DCUN1D3: variants seen among roughly 807,000 people sequenced by gnomAD.
DCUN1D3 encodes the protein defective in cullin neddylation 1 domain containing 3, also known as DCN1-like protein 3.
In DCUN1D3, 6 loss-of-function variants were observed where a neutral mutation model predicts 24.8. That is an observed-to-expected ratio of 0.24 (90% confidence interval 0.13 to 0.48). The LOEUF (loss-of-function observed/expected upper bound fraction) is 0.48, where lower values mean the gene tolerates loss of function less well. DCUN1D3 is among the 20% of genes least tolerant of loss of function. The probability of loss-of-function intolerance (pLI) is 0.99; values close to 1 mark genes in which losing one functional copy is unlikely to be tolerated. For synonymous variants in DCUN1D3, 120 were observed against 144.9 expected (o/e 0.83, Z 1.24); for missense variants, 258 against 379.4 (o/e 0.68, Z 2.66).
At chr16:20,870,804 C>G (rs1210838280) in intron 1 of DCUN1D3, among the ~76,000 whole-genome samples, 1 of 152,198 alleles carries the variant, frequency 6.6e-6, no homozygotes, top group Non-Finnish European at 1.5e-5. Context: ...GTAGAGCTAG[C>G]TGGGTGCAGC....
chr16:20,863,981 T>C (rs1283553253), intron 1 of DCUN1D3, among the ~76,000 whole-genome samples: 6 of 152,160 alleles, frequency 3.9e-5, no homozygotes, highest in Admixed American at 6.5e-5. Flanking sequence ...TCAAGATGGA[T>C]TAAAGACTTA....
chr16:20,881,237 C>T (rs1490484044), intron 1 of DCUN1D3, among the ~76,000 whole-genome samples: 2 of 152,134 alleles, frequency 1.3e-5, no homozygotes, highest in Non-Finnish European at 2.9e-5. Flanking sequence ...TACTCTGTCT[C>T]TACAAAAAAA....
chr16:20,883,327 A>C (rs1283482835), intron 1 of DCUN1D3, among the ~76,000 whole-genome samples: 2 of 152,154 alleles, frequency 1.3e-5, no homozygotes, highest in Non-Finnish European at 2.9e-5. Flanking sequence ...CCTGGCTAAC[A>C]CGGTGAAACC....
intron 1 of DCUN1D3, among the ~76,000 whole-genome samples, chr16:20,885,870 T>C (rs75663204): frequency 6.6e-6 from 1 of 152,186 alleles, no homozygotes; most frequent in Non-Finnish European, 1.5e-5. Flanking sequence ...GGACAGAGCC[T>C]TGAATCCATG....
At chr16:20,889,961 GA>G (rs1253913318) in intron 1 of DCUN1D3, among the ~76,000 whole-genome samples, 2 of 152,068 alleles carry the variant, frequency 1.3e-5, no homozygotes, top group African/African-American at 4.8e-5. Flanking sequence ...CCTAAGTAAT[GA>G]AACCTCAATC....
intron 1 of DCUN1D3, among the ~76,000 whole-genome samples, chr16:20,893,834 C>T (rs1036531574): frequency 3.9e-5 from 6 of 152,156 alleles, no homozygotes; most frequent in African/African-American, 9.7e-5. Flanking sequence ...ACTTGAGACT[C>T]GTTCAGAATC....
chr16:20,860,430 A>G lies in DCUN1D3; in HGVS notation c.432-61T>C. 6.6e-7 allele frequency: 1 copy of G among 1,517,134 alleles called. No individual in the cohort carries two copies. The highest frequency in any genetic ancestry group is 8.8e-7 in the Non-Finnish European group (1 of 1,132,672). 94.0% of individuals were successfully genotyped at this position (1,517,134 alleles called of 1,614,324 possible). On this transcript the variant is annotated intron_variant, in intron 2 of 2. Coordinates refer to ENST00000324344, the MANE Select transcript of DCUN1D3 (RefSeq NM_173475.4). The surrounding 1 kb of genome is among the most constrained non-coding windows in gnomAD (Gnocchi z 4.3). ...AAACTATACTATTTACAGGCAATAT[A>G]CATAGTGATTAAGAGCAAGGCTTTC...
intron 1 of DCUN1D3, among the ~76,000 whole-genome samples, chr16:20,871,063 C>CA (rs2081786128): frequency 6.6e-6 from 1 of 152,114 alleles, no homozygotes; most frequent in Admixed American, 6.5e-5. Flanking sequence ...AGTAAATGTG[C>CA]AAAAATAACA....
chr16:20,898,402 T>C (rs762475644), intron 1 of DCUN1D3, among the ~76,000 whole-genome samples: 6 of 152,210 alleles, frequency 3.9e-5, no homozygotes, highest in Non-Finnish European at 7.3e-5. Context: ...CATGAAAGGG[T>C]GAACCTTTTG....
chr16:20,865,885 A>C (rs977455307), intron 1 of DCUN1D3, among the ~76,000 whole-genome samples: 1 of 152,188 alleles, frequency 6.6e-6, no homozygotes, highest in Non-Finnish European at 1.5e-5. Context: ...TCCTGTAGTT[A>C]TTAGAGATTA....
At chr16:20,895,105 G>A (rs1484401826) in intron 1 of DCUN1D3, among the ~76,000 whole-genome samples, 1 of 152,128 alleles carries the variant, frequency 6.6e-6, no homozygotes, top group Non-Finnish European at 1.5e-5. Context: ...GTATTTGGCT[G>A]TTGTTTTTGA....
chr16:20,860,301 G>A lies in DCUN1D3; in HGVS notation c.500C>T (p.Pro167Leu). The change falls in exon 3 of 3, where the codon CCT (proline) becomes CTT (leucine). Residue 167 changes from proline (P) to leucine (L), a missense_variant. Pro to Leu is a moderately conservative substitution (Grantham distance 98). Coordinates refer to ENST00000324344, the MANE Select transcript of DCUN1D3 (RefSeq NM_173475.4). This position sits in a 1 kb window ranked among gnomAD's most constrained non-coding sequence, Gnocchi z 4.3. ...TTGTTTGGCTTCTGTTAAGAGGCTA[G>A]GGAACCGTGCACAGATTCCGTCAAT... ...DSIDGICARF[P>L]SLLTEAKQED... is the part of the protein sequence containing the mutation. The A allele has an allele frequency of 6.2e-7, 1 of 1,614,210 alleles. No homozygotes were observed. The highest frequency in any genetic ancestry group is 8.5e-7 in the Non-Finnish European group (1 of 1,180,032).
rs150640161 is a variant in DCUN1D3, at chr16:20,862,634, G to A, written c.-96C>T. ...CCTCAACATGCCATCAGCCAGAGGA[G>A]CCAGCCAACCTGGAAGGAAATTAGA... On this transcript the variant is annotated 5_prime_UTR_variant, in exon 2 of 3. Transcript: ENST00000324344. 2 of 1,518,320 alleles carry A rather than the reference G, an allele frequency of 1.3e-6. No individual in the cohort carries two copies. The highest frequency in any genetic ancestry group is 1.7e-6 in the Non-Finnish European group (2 of 1,144,166). 94.1% of individuals were successfully genotyped at this position (1,518,320 alleles called of 1,614,324 possible). A position where few individuals can be genotyped will look rare whatever the true frequency, so the allele number is the denominator to read the frequency against.
intron 1 of DCUN1D3, among the ~76,000 whole-genome samples, chr16:20,882,724 T>C (rs891293319): frequency 6.6e-6 from 1 of 152,240 alleles, no homozygotes; most frequent in Non-Finnish European, 1.5e-5. Context: ...TTCTTCTTCC[T>C]GAAACACGAT....
intron 1 of DCUN1D3, among the ~76,000 whole-genome samples, chr16:20,891,291 C>T (rs774640525): frequency 2.0e-5 from 3 of 152,084 alleles, no homozygotes; most frequent in Non-Finnish European, 2.9e-5. Context: ...CATACCCGGC[C>T]GATTTTCTTT....
intron 1 of DCUN1D3, among the ~76,000 whole-genome samples, chr16:20,879,321 A>T (rs972380244): frequency 8.5e-5 from 13 of 152,196 alleles, no homozygotes. Context: ...GCTTGTGTCA[A>T]ATGATGGAAA....
At chr16:20,898,175 G>T (rs1316009322) in intron 1 of DCUN1D3, among the ~76,000 whole-genome samples, 1 of 152,208 alleles carries the variant, frequency 6.6e-6, no homozygotes, top group Non-Finnish European at 1.5e-5. Flanking sequence ...GAACCTGGAA[G>T]GATCTTCCCC....
Position 20,859,850 on chromosome 16 carries a change from T to C in DCUN1D3, c.*36A>G. On this transcript the variant is annotated 3_prime_UTR_variant, in exon 3 of 3. Transcript: ENST00000324344. Reference sequence around the variant, plus strand: ...ATTCCTCAGTTGGCTGCAGGGCAGCTGGCAGATCCTTGCTGCTGCTCCTGG... The same window carrying C: ...ATTCCTCAGTTGGCTGCAGGGCAGCCGGCAGATCCTTGCTGCTGCTCCTGG... 1 of 1,549,894 alleles carries C rather than the reference T, an allele frequency of 6.5e-7. No homozygotes were observed. The highest frequency in any genetic ancestry group is 8.7e-7 in the Non-Finnish European group (1 of 1,147,458).
At chr16:20,864,637 TG>T (rs2081751691) in intron 1 of DCUN1D3, among the ~76,000 whole-genome samples, 1 of 152,184 alleles carries the variant, frequency 6.6e-6, no homozygotes, top group African/African-American at 2.4e-5. Flanking sequence ...ATCCCATTAC[TG>T]GGCATATACC....
Sources: gnomAD v4.1 joint callset for allele counts (sites outside exome capture counted in the v4.1 genomes callset) on GRCh38, gnomAD v4.1.1 for gene constraint, Gnocchi (gnomAD v3.1) non-coding constraint, MANE v1.5 for transcripts, NCBI Gene and HGNC (gene_info 2026-07-23, HGNC 2026-07-21) for gene names.